Variants in DPP6 observed in about 807,000 individuals in gnomAD.
The protein encoded by DPP6 is dipeptidyl peptidase like 6, also known as A-type potassium channel modulatory protein DPP6.
Under a neutral mutation model 122.6 loss-of-function variants are expected in DPP6, and 69 were observed. The observed-to-expected ratio is 0.56, with a 90% CI of 0.46 to 0.69. The LOEUF is 0.69. Ranked by LOEUF, DPP6 falls within the 30% of genes least tolerant of loss-of-function variation. The pLI, the probability that DPP6 is intolerant of heterozygous loss-of-function variation, is 0.00. For missense variants in DPP6, 928 were observed against 1,116.9 expected (o/e 0.83, Z 2.41); for synonymous variants, 418 against 433.1 (o/e 0.97, Z 0.43).
At chr7:153,963,094 TAAG>T (rs1295622281) in intron 1 of DPP6, among the ~76,000 whole-genome samples, 1 of 152,170 alleles carries the variant, frequency 6.6e-6, no homozygotes, top group African/African-American at 2.4e-5. Context: ...GACAACCTCC[TAAG>T]AACCCTCATT....
intron 1 of DPP6, among the ~76,000 whole-genome samples, chr7:154,189,424 G>A (rs1382424385): frequency 6.6e-6 from 1 of 152,180 alleles, no homozygotes; most frequent in African/African-American, 2.4e-5. Context: ...TTATACAGCA[G>A]CTATTAAAAT....
chr7:154,740,471 C>T (rs533802614), intron 8 of DPP6, among the ~76,000 whole-genome samples: 1 of 152,286 alleles, frequency 6.6e-6, no homozygotes, highest in African/African-American at 2.4e-5. Context: ...CTAGACTTAG[C>T]TCTTTTGCTC....
chr7:153,943,188 A>G (rs1801779079), intron 1 of DPP6, among the ~76,000 whole-genome samples: 1 of 152,218 alleles, frequency 6.6e-6, no homozygotes, highest in Non-Finnish European at 1.5e-5. Flanking sequence ...ACGAAATACA[A>G]AAGTCTGAAG....
intron 1 of DPP6, among the ~76,000 whole-genome samples, chr7:154,318,944 C>T (rs1365097597): frequency 6.6e-6 from 1 of 152,224 alleles, no homozygotes; most frequent in Non-Finnish European, 1.5e-5. Flanking sequence ...TATGCCCAGG[C>T]ATGTGTGTTC....
rs774477355 is a variant in DPP6, at chr7:154,892,850, C to T, written c.*370C>T. ...CCAGCCACCAAGCGGAAGCATGAGA[C>T]CCGCCCACACTAGCCTCTGTGTTCC... On this transcript the variant is annotated 3_prime_UTR_variant, in exon 26 of 26. Coordinates refer to ENST00000377770, the MANE Select transcript of DPP6 (RefSeq NM_130797.4). 7.6e-5 allele frequency: 41 copies of T among 541,374 alleles called. No individual in the cohort carries two copies. The highest frequency in any genetic ancestry group is 6.5e-4 in the Admixed American group (34 of 52,126). The allele number at this position is 541,374 out of a possible 1,614,324, so 33.5% of individuals were successfully genotyped here. A position where few individuals can be genotyped will look rare whatever the true frequency, so the allele number is the denominator to read the frequency against.
intron 1 of DPP6, among the ~76,000 whole-genome samples, chr7:153,975,068 T>C (rs1428878553): frequency 6.6e-6 from 1 of 152,160 alleles, no homozygotes; most frequent in Non-Finnish European, 1.5e-5. Flanking sequence ...AAATACTAAA[T>C]ACCTACTACG....
At chr7:154,409,622 A>G (rs1339511325) in intron 1 of DPP6, among the ~76,000 whole-genome samples, 1 of 152,164 alleles carries the variant, frequency 6.6e-6, no homozygotes, top group Non-Finnish European at 1.5e-5. Flanking sequence ...TCCTCTTAGC[A>G]TGTACCTACA....
At chr7:154,756,933 C>G (rs781137370) in intron 8 of DPP6, among the ~76,000 whole-genome samples, 3 of 150,906 alleles carry the variant, frequency 2.0e-5, no homozygotes, top group Non-Finnish European at 3.0e-5. Context: ...AACAGGCCAG[C>G]CCCTTCTCCA....
At chr7:154,873,456 GC>G in intron 19 of DPP6, among the ~76,000 whole-genome samples, 1 of 146,400 alleles carries the variant, frequency 6.8e-6, no homozygotes, top group Non-Finnish European at 1.5e-5. Flanking sequence ...GCCTGGGAGA[GC>G]CGGCTGAAGC....
intron 1 of DPP6, among the ~76,000 whole-genome samples, chr7:154,279,337 G>T (rs1293263663): frequency 6.6e-6 from 1 of 152,122 alleles, no homozygotes; most frequent in African/African-American, 2.4e-5. Context: ...AGGTAGTTTG[G>T]TGTAGGGTTA....
At chr7:153,952,485 T>G (rs1386178742) in intron 1 of DPP6, among the ~76,000 whole-genome samples, 1 of 152,166 alleles carries the variant, frequency 6.6e-6, no homozygotes, top group African/African-American at 2.4e-5. Flanking sequence ...AAGAAAGTGT[T>G]TTATTATTTT....
chr7:154,591,695 A>G (rs532424303), intron 5 of DPP6, among the ~76,000 whole-genome samples: 1 of 152,336 alleles, frequency 6.6e-6, no homozygotes, highest in East Asian at 1.9e-4. Context: ...CTGTCTAAAT[A>G]TAAACAGCCT....
At position 154,540,632 on chromosome 7, in the gene DPP6, T is replaced by A; in HGVS notation, c.552+6T>A. On this transcript the variant is annotated splice_donor_region_variant and intron_variant, in intron 4 of 25. Transcript: ENST00000377770. ...TAATAGAAGGCAAAAAAATTGTAAGTACTCTCTTTAATGACCGGGATAATT... is the reference window on the plus strand; with the variant it reads ...TAATAGAAGGCAAAAAAATTGTAAGAACTCTCTTTAATGACCGGGATAATT... The A allele has an allele frequency of 6.7e-7, 1 of 1,498,886 alleles. No individual in the cohort carries two copies. The highest frequency in any genetic ancestry group is 9.1e-7 in the Non-Finnish European group (1 of 1,099,542). The allele number at this position is 1,498,886 out of a possible 1,614,324, so 92.8% of individuals were successfully genotyped here.
rs935917503 is a variant in DPP6 at position 154,319,788 on chromosome 7, C to T, written c.244-126426C>T. ...TGGGCAGATCACGAGGTCAGGAGAT[C>T]GAGACCATCCTGGCCAACATGGCGA... is the stretch of plus-strand genomic sequence containing the variant. On this transcript the variant is annotated intron_variant, in intron 1 of 25. Coordinates refer to ENST00000377770, the MANE Select transcript of DPP6 (RefSeq NM_130797.4). Among the ~76,000 whole-genome samples the T allele has an allele frequency of 4.0e-5, 6 of 151,670 alleles. 1 individual carries two copies. The highest frequency in any genetic ancestry group is 1.5e-4 in the African/African-American group (6 of 41,228).
intron 1 of DPP6, among the ~76,000 whole-genome samples, chr7:154,105,753 C>T (rs970742844): frequency 1.9e-4 from 29 of 152,230 alleles, no homozygotes; most frequent in South Asian, 4.1e-4. Flanking sequence ...CCGTGGAAGA[C>T]GTGCCTTTAC....
At chr7:154,617,023 A>G (rs78794913) in intron 5 of DPP6, among the ~76,000 whole-genome samples, 21,301 of 152,170 alleles carry the variant, frequency 0.14, 1,664 homozygotes, top group Middle Eastern at 0.19. Context: ...CATCACCCCA[A>G]CGCCAAGTAT....
intron 1 of DPP6, among the ~76,000 whole-genome samples, chr7:154,310,845 C>T (rs925570533): frequency 1.3e-5 from 2 of 152,098 alleles, no homozygotes; most frequent in Non-Finnish European, 2.9e-5. Context: ...TCTGCCTCAT[C>T]GGGAATTGTA....
At chr7:154,590,871 C>T (rs888629776) in intron 5 of DPP6, among the ~76,000 whole-genome samples, 5 of 152,028 alleles carry the variant, frequency 3.3e-5, no homozygotes, top group East Asian at 1.9e-4. Context: ...ATATATTCTG[C>T]GAGTAAGTGA....
chr7:153,971,835 C>T (rs984987927), intron 1 of DPP6, among the ~76,000 whole-genome samples: 17 of 143,354 alleles, frequency 1.2e-4, no homozygotes, highest in East Asian at 8.3e-4. Context: ...CTAGCTTTAC[C>T]GAACTCCTGG....
Sources: gnomAD v4.1 joint callset for allele counts (sites outside exome capture counted in the v4.1 genomes callset) on GRCh38, gnomAD v4.1.1 for gene constraint, MANE v1.5 for transcripts, NCBI Gene and HGNC (gene_info 2026-07-23, HGNC 2026-07-21) for gene names.